Variants in GPC6 observed in about 807,000 individuals in gnomAD.
GPC6 encodes glypican 6.
GPC6 carries 14 observed loss-of-function variants against 55.2 expected under a neutral mutation model. The observed-to-expected ratio is 0.25, with a 90% CI of 0.17 to 0.40. GPC6 has a LOEUF of 0.40. Ranked by LOEUF, GPC6 falls within the 10% of genes least tolerant of loss-of-function variation. The probability of loss-of-function intolerance (pLI) is 1.00; values close to 1 mark genes in which losing one functional copy is unlikely to be tolerated. For missense variants in GPC6, 641 were observed against 708.5 expected, an observed-to-expected ratio of 0.90 and a Z score of 1.08; for synonymous variants, 278 against 259.6, an observed-to-expected ratio of 1.07 and a Z score of -0.68.
intron 3 of GPC6, among the ~76,000 whole-genome samples, chr13:93,996,356 C>T (rs970581103): frequency 1.3e-5 from 2 of 152,176 alleles, no homozygotes; most frequent in Admixed American, 1.3e-4. Context: ...AGTATTTGCT[C>T]TGCAGAAAAT....
chr13:93,382,473 G>A (rs1875221691), intron 1 of GPC6, among the ~76,000 whole-genome samples: 1 of 151,976 alleles, frequency 6.6e-6, no homozygotes, highest in African/African-American at 2.4e-5. Flanking sequence ...TAATGACTTT[G>A]GTACCACAGG....
intron 4 of GPC6, among the ~76,000 whole-genome samples, chr13:94,090,160 A>G (rs368652387): frequency 8.5e-5 from 13 of 152,264 alleles, no homozygotes; most frequent in African/African-American, 3.1e-4. Context: ...AGGAGGAGCA[A>G]AGGCATGTCT....
intron 4 of GPC6, among the ~76,000 whole-genome samples, chr13:94,029,975 T>C (rs1273775089): frequency 6.6e-6 from 1 of 151,920 alleles, no homozygotes; most frequent in Non-Finnish European, 1.5e-5. Context: ...TCGTCCTATA[T>C]GAACGTATTT....
chr13:93,604,029 T>C (rs1232094571), intron 2 of GPC6, among the ~76,000 whole-genome samples: 1 of 152,244 alleles, frequency 6.6e-6, no homozygotes, highest in African/African-American at 2.4e-5. Context: ...ACACTCTGTA[T>C]AGACAAACAA....
intron 3 of GPC6, among the ~76,000 whole-genome samples, chr13:93,880,361 T>C (rs1177791041): frequency 6.6e-6 from 1 of 152,074 alleles, no homozygotes; most frequent in Non-Finnish European, 1.5e-5. Flanking sequence ...GTGGCACATA[T>C]ACACCATGGA....
At chr13:93,986,622 T>C (rs1212124530) in intron 3 of GPC6, among the ~76,000 whole-genome samples, 1 of 152,172 alleles carries the variant, frequency 6.6e-6, no homozygotes, top group Non-Finnish European at 1.5e-5. Context: ...ACTATTACAC[T>C]TTGAATATTT....
chr13:94,017,148 C>A (rs1882499594), intron 3 of GPC6, among the ~76,000 whole-genome samples: 1 of 152,130 alleles, frequency 6.6e-6, no homozygotes, highest in South Asian at 2.1e-4. Flanking sequence ...TCTTAACTTT[C>A]TTTTCCCATT....
At chr13:93,443,963 T>A (rs1877900556) in intron 1 of GPC6, among the ~76,000 whole-genome samples, 2 of 152,136 alleles carry the variant, frequency 1.3e-5, no homozygotes, top group African/African-American at 4.8e-5. Flanking sequence ...GCAGTAACCA[T>A]TATATCCGCT....
At chr13:94,208,896 C>T (rs1889988371) in intron 4 of GPC6, among the ~76,000 whole-genome samples, 1 of 151,856 alleles carries the variant, frequency 6.6e-6, no homozygotes, top group South Asian at 2.1e-4. Flanking sequence ...TACTGCACTC[C>T]AGCCTGGGAG....
intron 3 of GPC6, among the ~76,000 whole-genome samples, chr13:94,004,105 A>T (rs1480447622): frequency 6.6e-6 from 1 of 152,170 alleles, no homozygotes; most frequent in Non-Finnish European, 1.5e-5. Context: ...CAGTACTTTC[A>T]TAGAGTAATC....
chr13:94,078,632 GGAT>G (rs949135084), intron 4 of GPC6, among the ~76,000 whole-genome samples: 2 of 151,914 alleles, frequency 1.3e-5, no homozygotes, highest in Admixed American at 6.6e-5. Flanking sequence ...CCAACAAATG[GGAT>G]GTCCTAGAAA....
chr13:94,133,699 A>G (rs1002467787), intron 4 of GPC6, among the ~76,000 whole-genome samples: 2 of 152,002 alleles, frequency 1.3e-5, no homozygotes, highest in African/African-American at 2.4e-5. Context: ...GTATGCCTAA[A>G]AAGAACACAA....
At chr13:94,073,961 A>G (rs9516345) in intron 4 of GPC6, among the ~76,000 whole-genome samples, 28,266 of 152,122 alleles carry the variant, frequency 0.19, 2,766 homozygotes, top group South Asian at 0.25. Context: ...GTACGATAAT[A>G]TCGTTTAAAA....
chr13:93,741,923 T>G (rs2138850324), intron 2 of GPC6, among the ~76,000 whole-genome samples: 1 of 152,330 alleles, frequency 6.6e-6, no homozygotes, highest in African/African-American at 2.4e-5. Flanking sequence ...TAAAAAGAAC[T>G]ATATTTACAT....
intron 1 of GPC6, among the ~76,000 whole-genome samples, chr13:93,518,605 T>A (rs1881295054): frequency 6.6e-6 from 1 of 152,052 alleles, no homozygotes; most frequent in East Asian, 1.9e-4. Context: ...AGTTTTCTCA[T>A]AGTGAGCTAC....
At chr13:94,325,581 C>T (rs1877075504) in intron 6 of GPC6, among the ~76,000 whole-genome samples, 1 of 152,102 alleles carries the variant, frequency 6.6e-6, no homozygotes, top group African/African-American at 2.4e-5. Context: ...AGCTATGGCT[C>T]TATTGATTTA....
chr13:93,790,960 A>C (rs1886013077), intron 2 of GPC6, among the ~76,000 whole-genome samples: 1 of 152,228 alleles, frequency 6.6e-6, no homozygotes. Context: ...AAAATACTTT[A>C]ACTGAATCAT....
intron 1 of GPC6, among the ~76,000 whole-genome samples, chr13:93,383,295 C>A (rs12875395): frequency 1.4e-4 from 22 of 152,148 alleles, no homozygotes; most frequent in East Asian, 3.9e-4. Flanking sequence ...CACTGCAGCC[C>A]TGACCTCCCA....
intron 1 of GPC6, among the ~76,000 whole-genome samples, chr13:93,300,034 T>G (rs1187323919): frequency 6.6e-6 from 1 of 152,162 alleles, no homozygotes; most frequent in Non-Finnish European, 1.5e-5. Flanking sequence ...AAATCTTTAC[T>G]CCCAATGAAA....
Sources: gnomAD v4.1 joint callset for allele counts (sites outside exome capture counted in the v4.1 genomes callset) on GRCh38, gnomAD v4.1.1 for gene constraint, MANE v1.5 for transcripts, NCBI Gene and HGNC (gene_info 2026-07-23, HGNC 2026-07-21) for gene names.